EXOC2: variants seen among roughly 807,000 people sequenced by gnomAD.
The protein encoded by EXOC2 is exocyst complex component 2.
Under a neutral mutation model 131.8 loss-of-function variants are expected in EXOC2, and 70 were observed. The ratio of observed to expected loss-of-function variants is 0.53; its 90% CI spans 0.44 to 0.65. EXOC2 has a LOEUF of 0.65. Among genes scored for constraint, EXOC2 ranks in the 30% least tolerant of loss-of-function variants. EXOC2 has a pLI of 0.00. For synonymous variants in EXOC2, 411 were observed against 398.4 expected (o/e 1.03, Z -0.38); for missense variants, 923 against 1,108.6 (o/e 0.83, Z 2.38).
intron 23 of EXOC2, among the ~76,000 whole-genome samples, chr6:514,380 C>T (rs1005388769): frequency 1.3e-5 from 2 of 152,160 alleles, no homozygotes; most frequent in Non-Finnish European, 2.9e-5. Context: ...TTACCAAGTA[C>T]CTTTTATCTT....
At chr6:523,167 G>C (rs1419662660) in intron 23 of EXOC2, among the ~76,000 whole-genome samples, 1 of 152,224 alleles carries the variant, frequency 6.6e-6, no homozygotes, top group Non-Finnish European at 1.5e-5. Flanking sequence ...TATGCAGAAA[G>C]GGACATTTAG....
At chr6:615,182 G>GTGTGT (rs1561927678) in intron 6 of EXOC2, among the ~76,000 whole-genome samples, 3,402 of 121,066 alleles carry the variant, frequency 0.028, 73 homozygotes, top group Non-Finnish European at 0.038. Flanking sequence ...TGTGGGTGTG[G>GTGTGT]GTGTGTGTGT....
At chr6:559,777 G>A (rs775642351) in intron 17 of EXOC2, among the ~76,000 whole-genome samples, 2 of 152,300 alleles carry the variant, frequency 1.3e-5, no homozygotes, top group Non-Finnish European at 2.9e-5. Flanking sequence ...GGCTGACCAC[G>A]TGTACCCGAG....
intron 1 of EXOC2, among the ~76,000 whole-genome samples, chr6:643,613 A>ATTC (rs1379525567): frequency 6.6e-6 from 1 of 150,454 alleles, no homozygotes; most frequent in East Asian, 1.9e-4. Flanking sequence ...ACCTTTTAAA[A>ATTC]AAAAAACTAG....
intron 1 of EXOC2, among the ~76,000 whole-genome samples, chr6:642,407 G>GC (rs1398596245): frequency 1.3e-5 from 2 of 152,196 alleles, no homozygotes; most frequent in Non-Finnish European, 2.9e-5. Flanking sequence ...CCGCTGGAGA[G>GC]CTGCTTGCTT....
At chr6:639,094 C>T (rs1286297442) in intron 1 of EXOC2, among the ~76,000 whole-genome samples, 1 of 152,120 alleles carries the variant, frequency 6.6e-6, no homozygotes, top group Non-Finnish European at 1.5e-5. Flanking sequence ...GCCCCTGCCT[C>T]CATCCTTCAC....
chr6:635,519 T>G (rs1762058403), intron 2 of EXOC2, among the ~76,000 whole-genome samples: 1 of 152,272 alleles, frequency 6.6e-6, no homozygotes, highest in Non-Finnish European at 1.5e-5. Flanking sequence ...ATTTCTTGAT[T>G]TCTTAAGCAC....
At chr6:546,201 A>G (rs1756845916) in intron 22 of EXOC2, among the ~76,000 whole-genome samples, 1 of 152,136 alleles carries the variant, frequency 6.6e-6, no homozygotes, top group African/African-American at 2.4e-5. Context: ...AAAAAAATGC[A>G]TGACTGGAAA....
intron 21 of EXOC2, among the ~76,000 whole-genome samples, chr6:550,266 G>A (rs767245002): frequency 4.6e-5 from 7 of 152,188 alleles, no homozygotes; most frequent in East Asian, 1.9e-4. Flanking sequence ...AAAGTAATTC[G>A]ATATAGTCAA....
intron 3 of EXOC2, 88 bp from the exon 4 acceptor site, chr6:630,049 C>A: frequency 6.9e-7 from 1 of 1,443,410 alleles, no homozygotes; most frequent in South Asian, 1.5e-5. Flanking sequence ...TTCTTAAAGA[C>A]CTAATACAAA....
At chr6:583,936 C>T (rs966847730) in intron 11 of EXOC2, among the ~76,000 whole-genome samples, 15 of 152,194 alleles carry the variant, frequency 9.9e-5, no homozygotes, top group African/African-American at 3.6e-4. Context: ...TTGTGCCTTT[C>T]CTTTTTTTAA....
chr6:625,422 C>G (rs1761508428), intron 4 of EXOC2, among the ~76,000 whole-genome samples: 1 of 151,414 alleles, frequency 6.6e-6, no homozygotes, highest in African/African-American at 2.4e-5. Flanking sequence ...ATTGCTAGTT[C>G]TTTGTGTGCA....
intron 11 of EXOC2, among the ~76,000 whole-genome samples, chr6:589,624 C>T (rs1759421306): frequency 6.6e-6 from 1 of 152,202 alleles, no homozygotes; most frequent in Admixed American, 6.5e-5. Context: ...TCTCCCTAGA[C>T]CACAAGCTCC....
At chr6:625,439 A>G (rs112650434) in intron 4 of EXOC2, among the ~76,000 whole-genome samples, 1,871 of 152,120 alleles carry the variant, frequency 0.012, 39 homozygotes, top group African/African-American at 0.043. Flanking sequence ...TGCATGCTAC[A>G]CATATCTCTC....
Position 564,926 on chromosome 6 carries a change from C to T in EXOC2, c.1447G>A (p.Ala483Thr). 1 of 1,598,936 alleles carries T rather than the reference C, an allele frequency of 6.3e-7. No homozygotes were observed. The highest frequency in any genetic ancestry group is 1.8e-5 in the Admixed American group (1 of 56,996). The change falls in exon 14 of 28, where the codon GCT (alanine) becomes ACT (threonine). Residue 483 changes from alanine to threonine, a missense_variant. By Grantham distance (58) the Ala-to-Thr change is moderately conservative (BLOSUM62 0). Coordinates refer to ENST00000230449, the MANE Select transcript of EXOC2 (RefSeq NM_018303.6). ...CTTTCAATCTGGCCTGACTTCTCAG[C>T]AGTCTTAAAAATTAAAAAAACAAAA... ...YVNGSLFSET[A>T]EKSGQIERSK...
In EXOC2 at chr6:507,050, ACAG is replaced by A. The variant is rs1764575443; in HGVS notation, c.2381-7353_2381-7351del. ...CAGCAGTGACCACACACACACACACACAGAGCAGTGATCCCACACACACACACA... is the reference window on the plus strand; with the variant it reads ...CAGCAGTGACCACACACACACACACAAGCAGTGATCCCACACACACACACA... On this transcript the variant is annotated intron_variant, in intron 23 of 27. Transcript: ENST00000230449. Among the ~76,000 whole-genome samples, 3 of 148,994 alleles carry A rather than the reference ACAG, an allele frequency of 2.0e-5. No homozygotes were observed. In the Admixed American group the frequency reaches 2.0e-4, roughly 10 times the overall value.
chr6:647,746 C>T (rs1041824146), intron 1 of EXOC2, among the ~76,000 whole-genome samples: 1 of 150,092 alleles, frequency 6.7e-6, no homozygotes, highest in African/African-American at 2.5e-5. Flanking sequence ...AGGGCAATTC[C>T]AATTTACTCC....
chr6:554,121 A>G (rs1456739072), intron 20 of EXOC2, among the ~76,000 whole-genome samples: 1 of 151,592 alleles, frequency 6.6e-6, no homozygotes, highest in Non-Finnish European at 1.5e-5. Context: ...GGCTCACTGC[A>G]ACCTCCTCCT....
At chr6:588,527 G>A (rs1023897521) in intron 11 of EXOC2, among the ~76,000 whole-genome samples, 7 of 152,134 alleles carry the variant, frequency 4.6e-5, no homozygotes, top group Non-Finnish European at 8.8e-5. Flanking sequence ...GCTAATTTTT[G>A]TATTTTTAGT....
Sources: gnomAD v4.1 joint callset for allele counts (sites outside exome capture counted in the v4.1 genomes callset) on GRCh38, gnomAD v4.1.1 for gene constraint, MANE v1.5 for transcripts, NCBI Gene and HGNC (gene_info 2026-07-23, HGNC 2026-07-21) for gene names.